TENM3: variants seen among roughly 807,000 people sequenced by gnomAD.
The protein encoded by TENM3 is teneurin-3.
Under a neutral mutation model 255.1 loss-of-function variants are expected in TENM3, and 63 were observed. The ratio of observed to expected loss-of-function variants is 0.25; its 90% confidence interval spans 0.20 to 0.30. The LOEUF (loss-of-function observed/expected upper bound fraction) is 0.30, where lower values mean the gene tolerates loss of function less well. Among genes scored for constraint, TENM3 ranks in the 10% least tolerant of loss-of-function variants. The pLI is 1.00. For synonymous variants in TENM3, 1,306 were observed against 1,322.3 expected, an observed-to-expected ratio of 0.99 and a Z score of 0.27; for missense variants, 2,929 against 3,461.1, an observed-to-expected ratio of 0.85 and a Z score of 3.86.
the TENM3 span, among the ~76,000 whole-genome samples, chr4:181,757,017 C>G: frequency 3.3e-5 from 5 of 152,158 alleles, no homozygotes; most frequent in Admixed American, 3.3e-4. Context: ...TGTGTGAAAT[C>G]TAGTTCCAAT....
intron 5 of TENM3, among the ~76,000 whole-genome samples, chr4:182,636,677 A>G (rs1388276400): frequency 6.6e-6 from 1 of 151,674 alleles, no homozygotes; most frequent in African/African-American, 2.4e-5. Context: ...AGATCGCGCC[A>G]CCGTACTCCA....
chr4:182,457,575 TGAGGA>T (rs1773981820), intron 3 of TENM3, among the ~76,000 whole-genome samples: 1 of 149,556 alleles, frequency 6.7e-6, no homozygotes. Context: ...TTTTTTTTTT[TGAGGA>T]TAGACCTTGT....
the TENM3 span, among the ~76,000 whole-genome samples, chr4:181,914,601 A>C: frequency 2.0e-5 from 3 of 152,230 alleles, no homozygotes; most frequent in East Asian, 5.8e-4. Context: ...GAATGCATAA[A>C]ATGGCTGCTA....
intron 1 of TENM3, among the ~76,000 whole-genome samples, chr4:182,281,199 T>C (rs1029125652): frequency 6.6e-5 from 10 of 152,238 alleles, no homozygotes; most frequent in African/African-American, 2.2e-4. Flanking sequence ...CTATCTTTAA[T>C]GATTAAGTGT....
At chr4:181,501,040 C>T in the TENM3 span, among the ~76,000 whole-genome samples, 2 of 152,306 alleles carry the variant, frequency 1.3e-5, no homozygotes, top group East Asian at 3.9e-4. Context: ...TCCACCTGCC[C>T]ATGCCTGGCT....
intron 22 of TENM3, among the ~76,000 whole-genome samples, chr4:182,770,437 CACCCCG>C (rs757229868): frequency 2.6e-5 from 4 of 152,184 alleles, no homozygotes; most frequent in Non-Finnish European, 4.4e-5. Context: ...CGGGCCCCTG[CACCCCG>C]ACACCTTCCT....
At chr4:182,564,748 G>C (rs1164433715) in intron 3 of TENM3, among the ~76,000 whole-genome samples, 1 of 152,050 alleles carries the variant, frequency 6.6e-6, no homozygotes, top group Non-Finnish European at 1.5e-5. Context: ...GCATCAATAC[G>C]TGTCCTCCAT....
At chr4:182,054,622 G>A in the TENM3 span, among the ~76,000 whole-genome samples, 1 of 151,982 alleles carries the variant, frequency 6.6e-6, no homozygotes, top group African/African-American at 2.4e-5. Context: ...ATAACATGAA[G>A]GATATTAGAT....
At chr4:181,935,150 A>ATAAT in the TENM3 span, among the ~76,000 whole-genome samples, 1 of 152,250 alleles carries the variant, frequency 6.6e-6, no homozygotes, top group African/African-American at 2.4e-5. Context: ...AAAATGAAGT[A>ATAAT]TAATTCAAAA....
intron 1 of TENM3, among the ~76,000 whole-genome samples, chr4:182,247,521 G>A (rs1331805971): frequency 2.0e-5 from 3 of 152,182 alleles, no homozygotes; most frequent in African/African-American, 7.2e-5. Context: ...TCACAAAGCT[G>A]CGCTGTTAGT....
chr4:182,436,888 G>T (rs776314205), intron 3 of TENM3, among the ~76,000 whole-genome samples: 1 of 151,996 alleles, frequency 6.6e-6, no homozygotes, highest in African/African-American at 2.4e-5. Flanking sequence ...CGTGGTGGTG[G>T]GCACCTGTTA....
the TENM3 span, among the ~76,000 whole-genome samples, chr4:182,002,317 G>C: frequency 6.6e-6 from 1 of 151,550 alleles, no homozygotes; most frequent in African/African-American, 2.4e-5. Context: ...GATAATCACA[G>C]GGGAGAGAGA....
chr4:181,663,401 A>G, the TENM3 span, among the ~76,000 whole-genome samples: 2 of 152,014 alleles, frequency 1.3e-5, no homozygotes, highest in South Asian at 2.1e-4. Context: ...GCCACCGTGC[A>G]CTCTAATGTT....
chr4:181,692,915 G>A, the TENM3 span, among the ~76,000 whole-genome samples: 5,716 of 152,266 alleles, frequency 0.038, 333 homozygotes, highest in African/African-American at 0.13. Context: ...AGAAGCTGGA[G>A]AGGAGAGGAC....
At chr4:182,700,618 T>C (rs890615602) in intron 12 of TENM3, among the ~76,000 whole-genome samples, 9 of 152,334 alleles carry the variant, frequency 5.9e-5, no homozygotes, top group African/African-American at 1.9e-4. Context: ...GAAATATGAC[T>C]ATCATTTCTG....
chr4:182,416,913 ATGT>A lies in TENM3; in HGVS notation c.511+69990_511+69992del, dbSNP rs1770405785. Among the ~76,000 whole-genome samples, 3 of 152,276 alleles carry A rather than the reference ATGT, an allele frequency of 2.0e-5. No individual in the cohort carries two copies. In the South Asian group the frequency reaches 6.2e-4, roughly 32 times the overall value. ...GGGTTTTGATGTTTTGTCATTCAGC[ATGT>A]TGTTGATACGAATGACAAAACATTG... On this transcript the variant is annotated intron_variant, in intron 3 of 27. Coordinates refer to ENST00000511685, the MANE Select transcript of TENM3 (RefSeq NM_001080477.4).
At chr4:182,437,247 A>G (rs760129348) in intron 3 of TENM3, among the ~76,000 whole-genome samples, 1 of 152,214 alleles carries the variant, frequency 6.6e-6, no homozygotes, top group Non-Finnish European at 1.5e-5. Context: ...TTCATTCTTC[A>G]AAATAAACAA....
chr4:181,962,880 T>C, the TENM3 span, among the ~76,000 whole-genome samples: 21 of 152,342 alleles, frequency 1.4e-4, no homozygotes, highest in East Asian at 5.8e-4. Context: ...AAATGGTACG[T>C]AAAATTTCAA....
At chr4:181,794,790 G>A in the TENM3 span, among the ~76,000 whole-genome samples, 1 of 151,920 alleles carries the variant, frequency 6.6e-6, no homozygotes, top group Admixed American at 6.6e-5. Context: ...TTTAGTGGAT[G>A]TAAGAAAATC....
Sources: allele counts gnomAD v4.1 joint callset (sites outside exome capture counted in the v4.1 genomes callset), GRCh38; gene constraint gnomAD v4.1.1; transcripts MANE v1.5; gene names NCBI Gene and HGNC (gene_info 2026-07-23, HGNC 2026-07-21).